Variants in PEMT observed in about 807,000 individuals in gnomAD.
The protein encoded by PEMT is phospholipid methyltransferase.
In PEMT, 23 loss-of-function variants were observed where a neutral mutation model predicts 27.4. The ratio of observed to expected loss-of-function variants is 0.84; its 90% CI spans 0.60 to 1.19. The LOEUF (loss-of-function observed/expected upper bound fraction) is 1.19. PEMT is among the 50% of genes most tolerant of loss of function. The pLI is 0.00. For missense variants in PEMT, 307 were observed against 310.1 expected (o/e 0.99, Z 0.07); for synonymous variants, 137 against 139.1 (o/e 0.98, Z 0.11).
At chr17:17,522,786 C>T (rs939490973) in intron 2 of PEMT, among the ~76,000 whole-genome samples, 1 of 152,148 alleles carries the variant, frequency 6.6e-6, no homozygotes, top group East Asian at 1.9e-4. Flanking sequence ...TCTAAAAGGG[C>T]CCCAGCAGAA....
intron 2 of PEMT, among the ~76,000 whole-genome samples, chr17:17,558,003 C>T (rs910886168): frequency 2.0e-5 from 3 of 152,194 alleles, no homozygotes; most frequent in Non-Finnish European, 4.4e-5. Flanking sequence ...GCAGTAGCTT[C>T]CTGCTGCAGG....
intron 3 of PEMT, among the ~76,000 whole-genome samples, chr17:17,516,132 C>T (rs894332245): frequency 7.9e-5 from 12 of 152,174 alleles, no homozygotes; most frequent in Non-Finnish European, 1.6e-4. Flanking sequence ...ACGTCGTCCA[C>T]ATCCATGTGT....
chr17:17,506,143 G>A lies in PEMT; in HGVS notation c.653+84C>T. The A allele has an allele frequency of 6.6e-6, 8 of 1,220,002 alleles. No individual in the cohort carries two copies. The South Asian group carries it at 1.0e-4, about 15-fold the overall frequency. The allele number at this position is 1,220,002 out of a possible 1,614,324, so 75.6% of individuals were successfully genotyped here. On this transcript the variant is annotated intron_variant, in intron 6 of 6. Coordinates refer to ENST00000255389, the MANE Select transcript of PEMT (RefSeq NM_148172.3). ...GCTGACGGCAGCCTGTCCTGAGCCT[G>A]CCCTGGCCACAAGGAAAGGTTCTAG... is the stretch of plus-strand genomic sequence containing the variant.
Position 17,505,845 on chromosome 17 carries a change from G to A in PEMT, c.657C>T (p.Pro219=). The A allele has an allele frequency of 1.2e-6, 2 of 1,609,130 alleles. No individual in the cohort carries two copies. The highest frequency in any genetic ancestry group is 3.4e-5 in the Admixed American group (2 of 59,372). ...TYIVALLYEE[P]FTAEIYRQKA... ...TCTGCCGGTAGATCTCAGCGGTGAA[G>A]GGCCTGCCGGGCAGCGGGGAGAGGC... The change falls in exon 7 of 7, where the codon CCC becomes CCT. Residue 219 remains proline, a synonymous_variant. Transcript: ENST00000255389.
At chr17:17,520,458 T>G (rs1310726051) in intron 3 of PEMT, among the ~76,000 whole-genome samples, 1 of 152,208 alleles carries the variant, frequency 6.6e-6, no homozygotes, top group Non-Finnish European at 1.5e-5. Flanking sequence ...CTGTAAAACC[T>G]CGGGCAACCA....
At chr17:17,552,864 A>G (rs1909758103) in intron 2 of PEMT, among the ~76,000 whole-genome samples, 1 of 152,160 alleles carries the variant, frequency 6.6e-6, no homozygotes, top group African/African-American at 2.4e-5. Flanking sequence ...TGCTCAGGGA[A>G]CAACCTTTTC....
intron 2 of PEMT, among the ~76,000 whole-genome samples, chr17:17,556,983 G>A (rs906142819): frequency 2.6e-5 from 4 of 152,166 alleles, no homozygotes; most frequent in Non-Finnish European, 5.9e-5. Flanking sequence ...TGGCAGATCC[G>A]CAGGGGCTCT....
At chr17:17,543,064 C>G (rs890379976) in intron 2 of PEMT, among the ~76,000 whole-genome samples, 1 of 152,242 alleles carries the variant, frequency 6.6e-6, no homozygotes, top group African/African-American at 2.4e-5. Context: ...ACCAGCAGCA[C>G]CACCGGGGAA....
intron 2 of PEMT, among the ~76,000 whole-genome samples, chr17:17,572,444 C>G (rs376766818): frequency 6.6e-6 from 1 of 152,214 alleles, no homozygotes; most frequent in East Asian, 1.9e-4. Flanking sequence ...CGGCAGCTGT[C>G]CCTTAAAACC....
At chr17:17,541,231 A>G (rs1015362248) in intron 2 of PEMT, among the ~76,000 whole-genome samples, 6 of 152,238 alleles carry the variant, frequency 3.9e-5, no homozygotes, top group African/African-American at 1.4e-4. Context: ...CCATCCTCCC[A>G]GAGCCCTGCA....
At chr17:17,564,494 G>A (rs547637089) in intron 2 of PEMT, among the ~76,000 whole-genome samples, 2 of 152,174 alleles carry the variant, frequency 1.3e-5, no homozygotes, top group Admixed American at 6.5e-5. Flanking sequence ...ACCAGAACTT[G>A]CCAAGTTTAC....
chr17:17,519,676 G>T (rs1279159815), intron 3 of PEMT, among the ~76,000 whole-genome samples: 1 of 152,202 alleles, frequency 6.6e-6, no homozygotes, highest in African/African-American at 2.4e-5. Context: ...AGGGGTGGAT[G>T]ACGGGGGCAG....
chr17:17,548,109 C>T (rs1326477187), intron 2 of PEMT, among the ~76,000 whole-genome samples: 5 of 152,234 alleles, frequency 3.3e-5, no homozygotes, highest in African/African-American at 9.6e-5. Context: ...CAGCCTCCCT[C>T]GAGGGGAAGG....
chr17:17,552,499 C>A (rs933461436), intron 2 of PEMT, among the ~76,000 whole-genome samples: 2 of 152,212 alleles, frequency 1.3e-5, no homozygotes, highest in Non-Finnish European at 2.9e-5. Flanking sequence ...TGAGGAGACA[C>A]CTCTGTGGGT....
At chr17:17,518,403 C>T (rs1470518964) in intron 3 of PEMT, among the ~76,000 whole-genome samples, 1 of 152,228 alleles carries the variant, frequency 6.6e-6, no homozygotes, top group Non-Finnish European at 1.5e-5. Context: ...GGGACTTCAA[C>T]AAGTGCCCCG....
rs1409446508 is a variant in PEMT at position 17,561,540 on chromosome 17, G to A, written c.204+15380C>T. ...CTGGAGGTAGGAAGAGGGAACAGAC[G>A]AGGGTCACTGACGCTGAGCTGGCTC... On this transcript the variant is annotated intron_variant, in intron 2 of 6. Transcript: ENST00000255389. This position sits in a 1 kb window ranked among gnomAD's most constrained non-coding sequence, Gnocchi z 4.5. Among the ~76,000 whole-genome samples the A allele has an allele frequency of 6.6e-6, 1 of 152,164 alleles. No homozygotes were observed. The highest frequency in any genetic ancestry group is 1.5e-5 in the Non-Finnish European group (1 of 68,034).
intron 2 of PEMT, among the ~76,000 whole-genome samples, chr17:17,553,893 G>A (rs1041462641): frequency 6.6e-6 from 1 of 152,228 alleles, no homozygotes; most frequent in East Asian, 1.9e-4. Context: ...CCGCACTTGG[G>A]GGAACCACTC....
In PEMT at chr17:17,531,445, A is replaced by C. The variant is rs542083331; in HGVS notation, c.205-9050T>G. ...TGTCAAAAATCAGATGGAAACCACA[A>C]ATAGATGGATATGAAAATACAAAAA... On this transcript the variant is annotated intron_variant, in intron 2 of 6. Coordinates refer to ENST00000255389, the MANE Select transcript of PEMT (RefSeq NM_148172.3). Among the ~76,000 whole-genome samples the C allele has an allele frequency of 4.3e-3, 659 of 152,190 alleles. 3 individuals carry two copies. Among genetic ancestry groups the C allele is most frequent in the Middle Eastern group, 6.8e-3 (2 of 294 alleles).
At chr17:17,556,413 G>A (rs111494918) in intron 2 of PEMT, among the ~76,000 whole-genome samples, 2,237 of 149,742 alleles carry the variant, frequency 0.015, 52 homozygotes, top group African/African-American at 0.048. Context: ...TCGCTCTGTC[G>A]CCCAAGCCAG....
Sources: gnomAD v4.1 joint callset for allele counts (sites outside exome capture counted in the v4.1 genomes callset) on GRCh38, gnomAD v4.1.1 for gene constraint, Gnocchi (gnomAD v3.1) non-coding constraint, MANE v1.5 for transcripts, NCBI Gene and HGNC (gene_info 2026-07-23, HGNC 2026-07-21) for gene names.